Variants in THSD4 observed in about 807,000 individuals in gnomAD.
THSD4 encodes the protein thrombospondin type 1 domain containing 4.
THSD4 carries 69 observed loss-of-function variants against 119.0 expected under a neutral mutation model. The observed-to-expected ratio is 0.58, with a 90% CI of 0.48 to 0.71. THSD4 has a LOEUF of 0.71. Ranked by LOEUF, THSD4 falls within the 30% of genes least tolerant of loss-of-function variation. The pLI is 0.00. For synonymous variants in THSD4, 524 were observed against 540.4 expected, an observed-to-expected ratio of 0.97 and a Z score of 0.42; for missense variants, 1,393 against 1,391.1, an observed-to-expected ratio of 1.00 and a Z score of -0.02.
intron 7 of THSD4, among the ~76,000 whole-genome samples, chr15:71,570,765 T>G (rs2049335298): frequency 6.6e-6 from 1 of 152,188 alleles, no homozygotes; most frequent in Non-Finnish European, 1.5e-5. Flanking sequence ...GGGCGAGTCC[T>G]TCTTCTCCCT....
rs571244885 is a variant in THSD4, at chr15:71,374,837, G to C, written c.1016-36850G>C. Among the ~76,000 whole-genome samples, 3 of 152,288 alleles carry C rather than the reference G, an allele frequency of 2.0e-5. No homozygotes were observed. In the South Asian group the frequency reaches 6.2e-4, roughly 32 times the overall value. ...GAGACTATTCACAGATGGTGGCTTG[G>C]GCTGGGTAGACACAAAGGCTAGGAC... On this transcript the variant is annotated intron_variant, in intron 6 of 17. Transcript: ENST00000261862.
At chr15:71,529,821 T>C (rs972534955) in intron 7 of THSD4, among the ~76,000 whole-genome samples, 27 of 152,326 alleles carry the variant, frequency 1.8e-4, no homozygotes, top group African/African-American at 6.5e-4. Flanking sequence ...ATCTACAGGA[T>C]TTGAGAATTA....
At chr15:71,569,348 G>A (rs2049305692) in intron 7 of THSD4, among the ~76,000 whole-genome samples, 1 of 152,168 alleles carries the variant, frequency 6.6e-6, no homozygotes, top group South Asian at 2.1e-4. Context: ...GAGGACAGGA[G>A]AAAGAAACCA....
chr15:71,768,536 C>T (rs1036848044), intron 16 of THSD4, among the ~76,000 whole-genome samples: 1 of 148,240 alleles, frequency 6.7e-6, no homozygotes, highest in Non-Finnish European at 1.5e-5. Flanking sequence ...CCAATTGCAA[C>T]TTGCAGACCT....
intron 6 of THSD4, among the ~76,000 whole-genome samples, chr15:71,391,706 C>G (rs1166886436): frequency 2.6e-5 from 4 of 152,132 alleles, no homozygotes; most frequent in Non-Finnish European, 4.4e-5. Flanking sequence ...GGAACTTTCA[C>G]TGAAGGAAAA....
At chr15:71,651,193 A>G (rs2051080434) in intron 7 of THSD4, among the ~76,000 whole-genome samples, 1 of 152,102 alleles carries the variant, frequency 6.6e-6, no homozygotes, top group South Asian at 2.1e-4. Context: ...TCCTTACTCC[A>G]CCTTTGGTAG....
intron 3 of THSD4, chr15:71,165,084 T>C: frequency 6.2e-7 from 1 of 1,610,916 alleles, no homozygotes. Context: ...CCTTTGATTT[T>C]TGGGCGATAC....
intron 7 of THSD4, among the ~76,000 whole-genome samples, chr15:71,423,582 C>T (rs1301210139): frequency 6.6e-6 from 1 of 152,174 alleles, no homozygotes; most frequent in African/African-American, 2.4e-5. Context: ...CTTCCCTCTC[C>T]TTTCCTCAAG....
chr15:71,201,432 C>G (rs1192273603), intron 3 of THSD4, among the ~76,000 whole-genome samples: 4 of 152,206 alleles, frequency 2.6e-5, no homozygotes, highest in Non-Finnish European at 5.9e-5. Context: ...AGGCCTCAGA[C>G]AGCTAGAAAA....
rs1555457033 is a variant in THSD4, at chr15:71,235,583, C to CT, written c.465-7044dup. Reference sequence around the variant, plus strand: ...AAGATGCAAGGAATGCCACCTCTCTCTTTTTTTTTTTTTTTTTTTTTTGAG... The same window carrying CT: ...AAGATGCAAGGAATGCCACCTCTCTCTTTTTTTTTTTTTTTTTTTTTTTGAG... On this transcript the variant is annotated intron_variant, in intron 4 of 17. Transcript: ENST00000261862. Among the ~76,000 whole-genome samples, 340 of 127,312 alleles carry CT rather than the reference C, an allele frequency of 2.7e-3. 5 individuals carry two copies. Among genetic ancestry groups the CT allele is most frequent in the South Asian group, 0.022 (87 of 3,902 alleles). The allele number at this position is 127,312 out of a possible 152,430, so 83.5% of individuals were successfully genotyped here. A position where few individuals can be genotyped will look rare whatever the true frequency, so the allele number is the denominator to read the frequency against.
intron 7 of THSD4, among the ~76,000 whole-genome samples, chr15:71,440,668 T>C (rs2047076630): frequency 6.6e-6 from 1 of 152,222 alleles, no homozygotes; most frequent in Non-Finnish European, 1.5e-5. Context: ...TGGTTGATCG[T>C]GACATCTAGT....
chr15:71,728,932 A>C, intron 9 of THSD4: 1 of 615,874 alleles, frequency 1.6e-6, no homozygotes, highest in Non-Finnish European at 2.8e-6. Flanking sequence ...CTCCAACTCC[A>C]CCAGATGCTT....
chr15:71,164,744 GAAAA>G, intron 3 of THSD4: 1 of 1,582,826 alleles, frequency 6.3e-7, no homozygotes, highest in South Asian at 1.2e-5. Flanking sequence ...TTATAGACAA[GAAAA>G]AAAAACTGCG....
chr15:71,770,420 C>T (rs1264451322), intron 16 of THSD4, among the ~76,000 whole-genome samples: 1 of 149,902 alleles, frequency 6.7e-6, no homozygotes, highest in Non-Finnish European at 1.5e-5. Context: ...TTTGGGAGGT[C>T]GAGGTGGGCA....
chr15:71,111,507 A>T, upstream of THSD4: 1 of 953,810 alleles, frequency 1.0e-6, no homozygotes, highest in East Asian at 2.6e-5. Flanking sequence ...AAACAGCTCA[A>T]AATAACAGCA....
At chr15:71,732,663 TAGCCTTATTTTAAG>T (rs1022136565) in intron 10 of THSD4, 4 of 152,200 alleles carry the variant, frequency 2.6e-5, no homozygotes, top group African/African-American at 9.7e-5. Context: ...GTACTATTAT[TAGCCTTATTTTAAG>T]AGTAAGGAAA....
chr15:71,243,730 C>T (rs542954621), intron 5 of THSD4, among the ~76,000 whole-genome samples: 1 of 150,592 alleles, frequency 6.6e-6, no homozygotes, highest in South Asian at 2.1e-4. Context: ...CATGCATTTA[C>T]ATAATATCTA....
chr15:71,725,384 G>C (rs1040211057), intron 8 of THSD4, among the ~76,000 whole-genome samples: 1 of 152,188 alleles, frequency 6.6e-6, no homozygotes, highest in African/African-American at 2.4e-5. Context: ...AAATTTGTGA[G>C]TCATTCACAT....
At chr15:71,145,167 T>G (rs906431866) in intron 2 of THSD4, among the ~76,000 whole-genome samples, 1 of 152,168 alleles carries the variant, frequency 6.6e-6, no homozygotes, top group Non-Finnish European at 1.5e-5. Context: ...CTTGACCAGG[T>G]GCTTCTTCCT....
Sources: gnomAD v4.1 joint callset for allele counts (sites outside exome capture counted in the v4.1 genomes callset) on GRCh38, gnomAD v4.1.1 for gene constraint, MANE v1.5 for transcripts, NCBI Gene and HGNC (gene_info 2026-07-23, HGNC 2026-07-21) for gene names.